CSMD3: variants seen among roughly 807,000 people sequenced by gnomAD.
CSMD3 encodes CUB and sushi domain-containing protein 3.
A neutral mutation model predicts 435.2 loss-of-function variants in CSMD3; 177 were observed. The ratio of observed to expected loss-of-function variants is 0.41; its 90% CI spans 0.36 to 0.46. The LOEUF (loss-of-function observed/expected upper bound fraction) is 0.46, where lower values mean the gene tolerates loss of function less well. Among genes scored for constraint, CSMD3 ranks in the 20% least tolerant of loss-of-function variants. The pLI is 0.34. For synonymous variants in CSMD3, 1,656 were observed against 1,520.5 expected (o/e 1.09, Z -2.07); for missense variants, 4,265 against 4,504.6 (o/e 0.95, Z 1.52).
intron 13 of CSMD3, among the ~76,000 whole-genome samples, chr8:112,700,556 T>C (rs1221178383): frequency 2.6e-5 from 4 of 152,034 alleles, no homozygotes; most frequent in African/African-American, 9.7e-5. Flanking sequence ...TTCCCCTCTT[T>C]TTTATTATTG....
chr8:112,822,008 T>C (rs1426420017), intron 12 of CSMD3, among the ~76,000 whole-genome samples: 3 of 152,210 alleles, frequency 2.0e-5, no homozygotes. Flanking sequence ...CACTGATCTA[T>C]ATGACTGTTT....
intron 6 of CSMD3, among the ~76,000 whole-genome samples, chr8:113,006,220 C>T (rs1383475337): frequency 6.6e-6 from 1 of 152,008 alleles, no homozygotes; most frequent in Non-Finnish European, 1.5e-5. Context: ...GGATTAAAAT[C>T]CTATTACTTT....
At chr8:113,381,958 C>A (rs571657001) in intron 1 of CSMD3, among the ~76,000 whole-genome samples, 2 of 152,154 alleles carry the variant, frequency 1.3e-5, no homozygotes, top group South Asian at 4.1e-4. Flanking sequence ...TTTACATTAG[C>A]ATCTCTAAAA....
rs373008395 is a variant in CSMD3, at chr8:112,224,896, C to T, written c.10999G>A (p.Val3667Ile). 8.2e-5 allele frequency: 132 copies of T among 1,613,892 alleles called. No homozygotes were observed. Among genetic ancestry groups the T allele is most frequent in the Non-Finnish European group, 1.1e-4 (130 of 1,179,916 alleles). ...GCTTGGCCATTGTTATTTTCATGAA[C>T]TGAACATCCTGTATACTGTGTTTTA... ...APKTQYTGCSVHENNNGQAAF... is the reference protein window; with the variant it reads ...APKTQYTGCSIHENNNGQAAF... Residue 3667 changes from valine (V) to isoleucine (I), a missense_variant, in exon 71 of 71, where the codon GTT (valine) becomes ATT (isoleucine). Val to Ile is a conservative substitution (Grantham distance 29, BLOSUM62 3). This residue lies in a region of CSMD3 where 3,255 missense variants were observed against 3,380.2 expected (regional missense o/e 0.96). Transcript: ENST00000297405.
intron 3 of CSMD3, among the ~76,000 whole-genome samples, chr8:113,194,380 G>T (rs185618976): frequency 6.6e-6 from 1 of 151,098 alleles, no homozygotes; most frequent in African/African-American, 2.4e-5. Context: ...ACAAATAAGT[G>T]AAGTTAAAAA....
intron 1 of CSMD3, among the ~76,000 whole-genome samples, chr8:113,434,835 G>T (rs995518928): frequency 1.3e-5 from 2 of 152,188 alleles, no homozygotes; most frequent in African/African-American, 2.4e-5. Flanking sequence ...GCGGATCAGC[G>T]TTAGTCAGGC....
intron 2 of CSMD3, chr8:113,312,950 A>G (rs2093881264): frequency 6.6e-6 from 1 of 152,348 alleles, no homozygotes; most frequent in East Asian, 1.9e-4. Context: ...AAAAAGAAAG[A>G]AAAATAGAAT....
At chr8:113,406,591 C>A (rs926600610) in intron 1 of CSMD3, among the ~76,000 whole-genome samples, 1 of 151,932 alleles carries the variant, frequency 6.6e-6, no homozygotes, top group African/African-American at 2.4e-5. Flanking sequence ...CTAGTTATTT[C>A]ATATGTGTGT....
intron 1 of CSMD3, among the ~76,000 whole-genome samples, chr8:113,361,428 C>G (rs2094275539): frequency 6.6e-6 from 1 of 152,052 alleles, no homozygotes; most frequent in Non-Finnish European, 1.5e-5. Flanking sequence ...CTTAAATATT[C>G]TTAACAAAAG....
chr8:113,164,423 A>C (rs1334626014), intron 4 of CSMD3, among the ~76,000 whole-genome samples: 2 of 142,276 alleles, frequency 1.4e-5, no homozygotes, highest in African/African-American at 5.3e-5. Flanking sequence ...GAATTAGTGC[A>C]AAAAAAAAAA....
chr8:113,314,547 G>A (rs1204651722), intron 2 of CSMD3, 24 bp downstream of exon 2: 1 of 1,341,344 alleles, frequency 7.5e-7, no homozygotes. Context: ...TTTCTCTCCA[G>A]TCTTCCATTC....
intron 31 of CSMD3, among the ~76,000 whole-genome samples, chr8:112,490,674 T>C (rs563578009): frequency 1.3e-5 from 2 of 152,254 alleles, no homozygotes; most frequent in African/African-American, 4.8e-5. Context: ...ATCTGGCTCC[T>C]GGAAATTTTT....
chr8:112,249,916 G>A (rs995762203), intron 63 of CSMD3, among the ~76,000 whole-genome samples: 3 of 151,866 alleles, frequency 2.0e-5, no homozygotes, highest in Non-Finnish European at 2.9e-5. Context: ...TTTCTAGGCC[G>A]GAGACTGTGT....
At chr8:112,545,621 T>C (rs1399079643) in intron 27 of CSMD3, among the ~76,000 whole-genome samples, 1 of 151,918 alleles carries the variant, frequency 6.6e-6, no homozygotes, top group Non-Finnish European at 1.5e-5. Flanking sequence ...TGTTCTATCC[T>C]TGAAAGGTAA....
intron 1 of CSMD3, among the ~76,000 whole-genome samples, chr8:113,326,651 T>C (rs2093986073): frequency 6.6e-6 from 1 of 152,174 alleles, no homozygotes; most frequent in African/African-American, 2.4e-5. Context: ...TCTCCTCATT[T>C]GGATCTCTGA....
At chr8:113,240,177 G>A (rs113418554) in intron 3 of CSMD3, among the ~76,000 whole-genome samples, 2,028 of 152,136 alleles carry the variant, frequency 0.013, 52 homozygotes, top group African/African-American at 0.047. Flanking sequence ...TCCTTTCAAA[G>A]GACATGCTCT....
chr8:112,765,501 AAGAC>A (rs768805640), intron 13 of CSMD3, among the ~76,000 whole-genome samples: 1 of 151,656 alleles, frequency 6.6e-6, no homozygotes, highest in Non-Finnish European at 1.5e-5. Context: ...GTGAAATAAT[AAGAC>A]AGTATAATCC....
At position 113,173,670 on chromosome 8, in the gene CSMD3, T is replaced by C. The variant is rs2092304288; in HGVS notation, c.709+52A>G. Reference sequence around the variant, plus strand: ...AAGAAACAGGCACCAAACACATTTTTCAAATACACTGGCTGATAACAACTC... The same window carrying C: ...AAGAAACAGGCACCAAACACATTTTCCAAATACACTGGCTGATAACAACTC... On this transcript the variant is annotated intron_variant, in intron 4 of 70. Transcript: ENST00000297405. The C allele has an allele frequency of 1.1e-5, 16 of 1,421,404 alleles. No individual in the cohort carries two copies. The Admixed American group carries it at 2.3e-4, about 21-fold the overall frequency. The allele number at this position is 1,421,404 out of a possible 1,614,324, so 88.0% of individuals were successfully genotyped here.
intron 38 of CSMD3, among the ~76,000 whole-genome samples, chr8:112,363,100 C>T (rs553922860): frequency 6.6e-6 from 1 of 152,026 alleles, no homozygotes; most frequent in African/African-American, 2.4e-5. Context: ...CATCCTGGCT[C>T]CTCTAGTTGC....
Sources: allele counts gnomAD v4.1 joint callset (sites outside exome capture counted in the v4.1 genomes callset), GRCh38; gene constraint gnomAD v4.1.1; regional missense constraint gnomAD v4.1.1; transcripts MANE v1.5; gene names NCBI Gene and HGNC (gene_info 2026-07-23, HGNC 2026-07-21).